Variants in SAMHD1 observed in about 807,000 individuals in gnomAD.
SAMHD1 encodes the protein SAM and HD domain containing deoxynucleoside triphosphate triphosphohydrolase 1.
Under a neutral mutation model 79.6 loss-of-function variants are expected in SAMHD1, and 54 were observed. That is an observed-to-expected ratio of 0.68 (90% CI 0.55 to 0.85). The LOEUF is 0.85. Among genes scored for constraint, SAMHD1 ranks in the 40% least tolerant of loss-of-function variants. The pLI is 0.00. For synonymous variants in SAMHD1, 260 were observed against 264.1 expected (o/e 0.98, Z 0.15); for missense variants, 663 against 782.7 (o/e 0.85, Z 1.82).
chr20:36,929,607 G>A (rs2063556198), intron 5 of SAMHD1, among the ~76,000 whole-genome samples: 1 of 152,066 alleles, frequency 6.6e-6, no homozygotes, highest in Admixed American at 6.6e-5. Flanking sequence ...CGCTACTCGG[G>A]AGGCTGAGGC....
At chr20:36,907,372 C>T (rs978680276) in intron 11 of SAMHD1, among the ~76,000 whole-genome samples, 3 of 151,432 alleles carry the variant, frequency 2.0e-5, no homozygotes, top group Non-Finnish European at 4.4e-5. Context: ...GCAATCCTCA[C>T]GCCTCAGCCT....
chr20:36,938,570 C>T (rs2063619606), intron 3 of SAMHD1, among the ~76,000 whole-genome samples: 1 of 151,894 alleles, frequency 6.6e-6, no homozygotes, highest in African/African-American at 2.4e-5. Flanking sequence ...GGCACGGTGG[C>T]ACGTGCCTGT....
chr20:36,921,518 T>C (rs1327139864), intron 6 of SAMHD1, among the ~76,000 whole-genome samples: 3 of 151,894 alleles, frequency 2.0e-5, no homozygotes, highest in Non-Finnish European at 4.4e-5. Flanking sequence ...ATTAATATCA[T>C]TGGTATTGGC....
Position 36,934,134 on chromosome 20 carries a change from C to T in SAMHD1, c.509+895G>A, listed in dbSNP as rs569165943. Among the ~76,000 whole-genome samples the T allele has an allele frequency of 3.3e-5, 5 of 152,066 alleles. No homozygotes were observed. In the South Asian group the frequency reaches 1.0e-3, roughly 32 times the overall value. Reference sequence around the variant, plus strand: ...AATTAATATTTAAAAACAAATCCAACTGACCTGTCTATAGATACTTTCATT... The same window carrying T: ...AATTAATATTTAAAAACAAATCCAATTGACCTGTCTATAGATACTTTCATT... On this transcript the variant is annotated intron_variant, in intron 4 of 15. Transcript: ENST00000646673.
intron 15 of SAMHD1, among the ~76,000 whole-genome samples, chr20:36,896,546 G>A (rs1990200952): frequency 6.6e-6 from 1 of 151,980 alleles, no homozygotes; most frequent in African/African-American, 2.4e-5. Flanking sequence ...TTAACAGTAA[G>A]AACTTTCTGG....
chr20:36,951,129 G>A (rs942137005), intron 1 of SAMHD1, among the ~76,000 whole-genome samples: 2 of 152,228 alleles, frequency 1.3e-5, no homozygotes, highest in African/African-American at 4.8e-5. Context: ...TCAATCCCGG[G>A]AGCCTGCTCC....
rs143276320 is a variant in SAMHD1, at chr20:36,890,567, C to G, written c.*2365G>C. 1 of 151,966 alleles carries G rather than the reference C, an allele frequency of 6.6e-6. No individual in the cohort carries two copies. Among genetic ancestry groups the G allele is most frequent in the African/African-American group, 2.4e-5 (1 of 41,342 alleles). The allele number at this position is 151,966 out of a possible 1,614,324, so 9.4% of individuals were successfully genotyped here. A position where few individuals can be genotyped will look rare whatever the true frequency, so the allele number is the denominator to read the frequency against. The stretch of plus-strand genomic sequence containing the variant: ...GCAACCTCTGCCTCCCGGATTCAAG[C>G]GATTCTCCTGCCTCAGCCTCCCGAG... On this transcript the variant is annotated 3_prime_UTR_variant, in exon 16 of 16. Transcript: ENST00000646673.
chr20:36,924,123 G>C (rs1156636761), intron 6 of SAMHD1, among the ~76,000 whole-genome samples: 1 of 152,048 alleles, frequency 6.6e-6, no homozygotes, highest in Non-Finnish European at 1.5e-5. Context: ...ATGGTAGTGT[G>C]TGCCTGTAGT....
chr20:36,896,611 C>T (rs910651136), intron 15 of SAMHD1, among the ~76,000 whole-genome samples: 5 of 151,972 alleles, frequency 3.3e-5, no homozygotes, highest in East Asian at 3.9e-4. Context: ...CCGAGGTGGG[C>T]GGATCACGAG....
intron 2 of SAMHD1, among the ~76,000 whole-genome samples, chr20:36,946,183 C>T (rs955625078): frequency 1.4e-4 from 22 of 151,898 alleles, no homozygotes; most frequent in East Asian, 1.2e-3. Flanking sequence ...GAGGCTGAGG[C>T]GGGCAGATCA....
In SAMHD1 at chr20:36,950,330, GA is replaced by G. The variant is rs796220512; in HGVS notation, c.208+1105del. 6.0e-3 allele frequency among the ~76,000 whole-genome samples: 831 copies of G among 139,464 alleles called. 5 individuals are homozygous for G. The highest frequency in any genetic ancestry group is 0.015 in the Middle Eastern group (4 of 264). 91.5% of individuals were successfully genotyped at this position (139,464 alleles called of 152,430 possible). A position where few individuals can be genotyped will look rare whatever the true frequency, so the allele number is the denominator to read the frequency against. On this transcript the variant is annotated intron_variant, in intron 1 of 15. Coordinates refer to ENST00000646673, the MANE Select transcript of SAMHD1 (RefSeq NM_015474.4). ...GGAAACGAAAGGGCAAAAGGGGGAAGAAAAAAAAAAAAGGAGAAATGCAATT... is the reference window on the plus strand; with the variant it reads ...GGAAACGAAAGGGCAAAAGGGGGAAGAAAAAAAAAAAGGAGAAATGCAATT...
At chr20:36,915,391 A>G (rs185794529) in intron 9 of SAMHD1, among the ~76,000 whole-genome samples, 2 of 152,332 alleles carry the variant, frequency 1.3e-5, no homozygotes, top group Admixed American at 6.5e-5. Flanking sequence ...AAGGTTATCA[A>G]TAAGGCTTCT....
At chr20:36,912,259 T>A (rs2063444998) in intron 10 of SAMHD1, 4 of 553,500 alleles carry the variant, frequency 7.2e-6, no homozygotes, top group South Asian at 6.1e-5. Context: ...CTTCCCTCCA[T>A]CTGCCCCTTT....
intron 9 of SAMHD1, among the ~76,000 whole-genome samples, chr20:36,913,096 A>G (rs1304474123): frequency 6.9e-6 from 1 of 145,338 alleles, no homozygotes; most frequent in South Asian, 2.2e-4. Context: ...TCCTGGGTTC[A>G]TGCCATTCTC....
chr20:36,944,077 C>CAAAAAAAAAAAAA (rs542947370), intron 2 of SAMHD1, among the ~76,000 whole-genome samples: 7 of 89,994 alleles, frequency 7.8e-5, no homozygotes, highest in African/African-American at 2.1e-4. Flanking sequence ...GACTCCATCT[C>CAAAAAAAAAAAAA]AAAAAAAAAA....
chr20:36,920,441 C>A (rs114996021), intron 6 of SAMHD1, among the ~76,000 whole-genome samples: 382 of 152,236 alleles, frequency 2.5e-3, no homozygotes, highest in African/African-American at 9.0e-3. Context: ...AGAAACAATT[C>A]TTGCTCCAGA....
chr20:36,933,873 T>C (rs1326716123), intron 4 of SAMHD1, among the ~76,000 whole-genome samples: 2 of 151,430 alleles, frequency 1.3e-5, no homozygotes, highest in Non-Finnish European at 2.9e-5. Context: ...GGTGAAACCC[T>C]GTCTCTACTA....
At chr20:36,940,764 C>A in intron 3 of SAMHD1, 1 of 477,724 alleles carries the variant, frequency 2.1e-6, no homozygotes, top group South Asian at 2.4e-5. Context: ...CTAAAAATAA[C>A]AGACTTGAAG....
In SAMHD1 at chr20:36,890,418, C is replaced by CTTTCTTTCTTTCTTTCTTTCTTTCTTT. The variant is rs1555830170; in HGVS notation, c.*2513_*2514insAAAGAAAGAAAGAAAGAAAGAAAGAAA. ...TTTCTCTTTCTTTCTTTCTTTCTTT[C>CTTTCTTTCTTTCTTTCTTTCTTTCTTT]TTTTCTTTCTCTCTTTCCTTCCTTC... On this transcript the variant is annotated 3_prime_UTR_variant, in exon 16 of 16. Coordinates refer to ENST00000646673, the MANE Select transcript of SAMHD1 (RefSeq NM_015474.4). The CTTTCTTTCTTTCTTTCTTTCTTTCTTT allele has an allele frequency of 1.1e-4, 2 of 17,774 alleles. No homozygotes were observed. Among genetic ancestry groups the CTTTCTTTCTTTCTTTCTTTCTTTCTTT allele is most frequent in the Admixed American group, 1.2e-3 (2 of 1,644 alleles). The allele number at this position is 17,774 out of a possible 1,614,324, so 1.1% of individuals were successfully genotyped here. A position where few individuals can be genotyped will look rare whatever the true frequency, so the allele number is the denominator to read the frequency against.
Sources: gnomAD v4.1 joint callset for allele counts (sites outside exome capture counted in the v4.1 genomes callset) on GRCh38, gnomAD v4.1.1 for gene constraint, MANE v1.5 for transcripts, NCBI Gene and HGNC (gene_info 2026-07-23, HGNC 2026-07-21) for gene names.